Variants in NOC3L observed in about 807,000 individuals in gnomAD.
NOC3L encodes the protein nucleolar complex protein 3 homolog.
A neutral mutation model predicts 102.5 loss-of-function variants in NOC3L; 85 were observed. That is an observed-to-expected ratio of 0.83 (90% CI 0.70 to 0.99). The LOEUF is 0.99. Among genes scored for constraint, NOC3L ranks in the 50% least tolerant of loss-of-function variants. NOC3L has a pLI of 0.00. For missense variants in NOC3L, 878 were observed against 914.9 expected, an observed-to-expected ratio of 0.96 and a Z score of 0.52; for synonymous variants, 303 against 309.4, an observed-to-expected ratio of 0.98 and a Z score of 0.22.
intron 18 of NOC3L, among the ~76,000 whole-genome samples, chr10:94,338,363 A>G (rs2133984931): frequency 6.6e-6 from 1 of 152,152 alleles, no homozygotes; most frequent in East Asian, 1.9e-4. Flanking sequence ...GTTTCAGTAA[A>G]TCTTCCACAA....
At chr10:94,347,185 G>A (rs984788954) in intron 10 of NOC3L, among the ~76,000 whole-genome samples, 3 of 152,066 alleles carry the variant, frequency 2.0e-5, no homozygotes, top group African/African-American at 7.2e-5. Flanking sequence ...CAGCATTCCT[G>A]GAAAAAACCT....
At chr10:94,325,056 TG>T in the NOC3L span, 1 of 1,614,114 alleles carries the variant, frequency 6.2e-7, no homozygotes, top group African/African-American at 1.3e-5. Context: ...TGTCCTCCAG[TG>T]ACACAATGGA....
intron 2 of NOC3L, among the ~76,000 whole-genome samples, chr10:94,360,438 T>C (rs891762710): frequency 6.6e-6 from 1 of 152,232 alleles, no homozygotes. Flanking sequence ...AAGGCCATTA[T>C]GCTAAGTTAA....
chr10:94,320,080 C>T, the NOC3L span, among the ~76,000 whole-genome samples: 1 of 151,954 alleles, frequency 6.6e-6, no homozygotes, highest in Admixed American at 6.6e-5. Flanking sequence ...TTCTTGCCTC[C>T]TGGTTTGGGG....
the NOC3L span, chr10:94,324,662 A>C: frequency 8.9e-7 from 1 of 1,123,480 alleles, no homozygotes; most frequent in Non-Finnish European, 1.3e-6. Flanking sequence ...TTTAGGAGAA[A>C]GTTCCTGAGT....
chr10:94,317,910 T>C, the NOC3L span, among the ~76,000 whole-genome samples: 1 of 152,360 alleles, frequency 6.6e-6, no homozygotes, highest in East Asian at 1.9e-4. Context: ...AGCCCTGTTC[T>C]GGGCACATGA....
chr10:94,321,629 GA>G, the NOC3L span, among the ~76,000 whole-genome samples: 19,548 of 104,566 alleles, frequency 0.19, 1,347 homozygotes, highest in Middle Eastern at 0.34. Context: ...CTCCATCTCA[GA>G]AAAAAAAAAA....
chr10:94,349,480 G>T, intron 9 of NOC3L, 102 bp from the exon 10 acceptor site: 1 of 1,007,238 alleles, frequency 9.9e-7, no homozygotes, highest in African/African-American at 1.7e-5. Flanking sequence ...GTCCTAGGAT[G>T]TTTAAAAGCC....
intron 1 of NOC3L, 90 bp downstream of exon 1, chr10:94,362,740 T>C: frequency 1.4e-6 from 2 of 1,446,858 alleles, no homozygotes; most frequent in Non-Finnish European, 1.9e-6. Flanking sequence ...TAGACACGGG[T>C]GAAAACCTGC....
the NOC3L span, chr10:94,321,839 T>C: frequency 1.5e-6 from 2 of 1,311,422 alleles, no homozygotes; most frequent in Non-Finnish European, 2.2e-6. Context: ...TTTTGCTAGA[T>C]TTGTCTTTCT....
the NOC3L span, among the ~76,000 whole-genome samples, chr10:94,319,826 T>C: frequency 2.0e-5 from 3 of 149,466 alleles, no homozygotes; most frequent in Admixed American, 2.0e-4. Flanking sequence ...TGGCTAGAAA[T>C]ACCTTAAAAT....
chr10:94,342,553 TACACACAC>T lies in NOC3L; in HGVS notation c.1572-816_1572-809del, dbSNP rs3052367. On this transcript the variant is annotated intron_variant, in intron 13 of 20. Coordinates refer to ENST00000371361, the MANE Select transcript of NOC3L (RefSeq NM_022451.11). Reference sequence around the variant, plus strand: ...CTACATGCACACACATGCATGAAGATACACACACACACACACACACACACACACACACG... The same window carrying T: ...CTACATGCACACACATGCATGAAGATACACACACACACACACACACACACG... Among the ~76,000 whole-genome samples the T allele has an allele frequency of 1.4e-3, 212 of 148,104 alleles. 1 individual carries two copies. The highest frequency in any genetic ancestry group is 0.014 in the Middle Eastern group (4 of 286).
At chr10:94,358,352 T>C in intron 2 of NOC3L, 137 bp from the exon 3 acceptor site, 1 of 664,102 alleles carries the variant, frequency 1.5e-6, no homozygotes, top group Non-Finnish European at 2.7e-6. Context: ...CCCAAAATGC[T>C]GGGATTACAG....
At chr10:94,328,121 G>GGCTGAGGAGAAGCAAAATGGCACAGGGC in the NOC3L span, 1 of 359,422 alleles carries the variant, frequency 2.8e-6, no homozygotes, top group Non-Finnish European at 5.8e-6. Flanking sequence ...CACAGGGCTA[G>GGCTGAGGAGAAGCAAAATGGCACAGGGC]TTGCCACCAA....
intron 8 of NOC3L, among the ~76,000 whole-genome samples, chr10:94,351,909 T>C (rs2054424188): frequency 6.6e-6 from 1 of 152,174 alleles, no homozygotes; most frequent in Non-Finnish European, 1.5e-5. Context: ...AACAATGTAT[T>C]TTGTTAAATG....
chr10:94,334,417 GACAGAT>G, intron 20 of NOC3L, 112 bp from the exon 21 acceptor site: 1 of 699,942 alleles, frequency 1.4e-6, no homozygotes. Context: ...GCAACACAAT[GACAGAT>G]GCTTGGTAAG....
Position 94,341,658 on chromosome 10 carries a change from TTTA to T in NOC3L, c.1644+12_1644+14del, listed in dbSNP as rs772178660. 14 of 1,328,328 alleles carry T rather than the reference TTTA, an allele frequency of 1.1e-5. No homozygotes were observed. In the Admixed American group the frequency reaches 1.5e-4, roughly 14 times the overall value. The allele number at this position is 1,328,328 out of a possible 1,614,324, so 82.3% of individuals were successfully genotyped here. A position where few individuals can be genotyped will look rare whatever the true frequency, so the allele number is the denominator to read the frequency against. ...ACCATTTATATCTTTTAAAAAATAA[TTTA>T]TTATTACTTACACCAGACTCAATGA... On this transcript the variant is annotated intron_variant, in intron 14 of 20. Transcript: ENST00000371361.
chr10:94,362,588 C>T (rs1273828968), intron 1 of NOC3L, among the ~76,000 whole-genome samples: 2 of 152,178 alleles, frequency 1.3e-5, no homozygotes, highest in Non-Finnish European at 2.9e-5. Flanking sequence ...TGAAAAATTC[C>T]TTCAAAGTAT....
intron 19 of NOC3L, 67 bp downstream of exon 19, chr10:94,337,710 T>A: frequency 9.7e-7 from 1 of 1,033,006 alleles, no homozygotes; most frequent in Non-Finnish European, 1.5e-6. Flanking sequence ...TATGAAACAG[T>A]CTTCTCATAG....
Sources: allele counts gnomAD v4.1 joint callset (sites outside exome capture counted in the v4.1 genomes callset), GRCh38; gene constraint gnomAD v4.1.1; transcripts MANE v1.5; gene names NCBI Gene and HGNC (gene_info 2026-07-23, HGNC 2026-07-21).